Variants in DCT observed in about 807,000 individuals in gnomAD.
DCT encodes dopachrome tautomerase, also known as L-dopachrome tautomerase.
In DCT, 47 loss-of-function variants were observed where a neutral mutation model predicts 53.0. That is an observed-to-expected ratio of 0.89 (90% CI 0.70 to 1.13). The LOEUF (loss-of-function observed/expected upper bound fraction) is 1.13, where lower values mean the gene tolerates loss of function less well. DCT is among the 50% of genes most tolerant of loss of function. The pLI, the probability that DCT is intolerant of heterozygous loss-of-function variation, is 0.00. For missense variants in DCT, 669 were observed against 637.4 expected, an observed-to-expected ratio of 1.05 and a Z score of -0.53; for synonymous variants, 244 against 237.0, an observed-to-expected ratio of 1.03 and a Z score of -0.27.
chr13:94,517,428 C>T, the DCT span, among the ~76,000 whole-genome samples: 1 of 152,164 alleles, frequency 6.6e-6, no homozygotes, highest in African/African-American at 2.4e-5. Flanking sequence ...TCACCTGAAA[C>T]TGTGTCATTT....
the DCT span, among the ~76,000 whole-genome samples, chr13:94,490,640 GCA>G: frequency 7.3e-5 from 11 of 150,272 alleles, no homozygotes; most frequent in Non-Finnish European, 2.9e-5. Context: ...ACGTGTGCAT[GCA>G]CACACACACA....
At chr13:94,549,134 T>A in the DCT span, among the ~76,000 whole-genome samples, 5 of 152,190 alleles carry the variant, frequency 3.3e-5, no homozygotes, top group Admixed American at 2.6e-4. Context: ...TCGGTGCGCC[T>A]CTAGCCAGAA....
At chr13:94,493,238 G>A in the DCT span, among the ~76,000 whole-genome samples, 28,607 of 151,938 alleles carry the variant, frequency 0.19, 2,912 homozygotes, top group South Asian at 0.29. Context: ...CCAGCTTCTC[G>A]AAATTTAGAC....
At chr13:94,488,669 C>T in the DCT span, among the ~76,000 whole-genome samples, 3 of 150,952 alleles carry the variant, frequency 2.0e-5, no homozygotes, top group Non-Finnish European at 2.9e-5. Flanking sequence ...GAGCTGAGAT[C>T]GCATCACTGG....
the DCT span, among the ~76,000 whole-genome samples, chr13:94,548,892 T>C: frequency 6.6e-6 from 1 of 152,186 alleles, no homozygotes; most frequent in Non-Finnish European, 1.5e-5. Flanking sequence ...AAACACCCGC[T>C]GCTAGGCCCC....
chr13:94,437,894 A>G lies in DCT; in HGVS notation c.*2004T>C, dbSNP rs1364108503. The G allele has an allele frequency of 6.6e-6, 1 of 152,182 alleles. No homozygotes were observed. Among genetic ancestry groups the G allele is most frequent in the African/African-American group, 2.4e-5 (1 of 41,466 alleles). 9.4% of individuals were successfully genotyped at this position (152,182 alleles called of 1,614,324 possible). A position where few individuals can be genotyped will look rare whatever the true frequency, so the allele number is the denominator to read the frequency against. On this transcript the variant is annotated 3_prime_UTR_variant, in exon 8 of 8. Coordinates refer to ENST00000377028, the MANE Select transcript of DCT (RefSeq NM_001922.5). ...CCCACACTACAGATAAAAGCAGCTA[A>G]GTATAATCGATTACTATTTTTTCCT...
the DCT span, among the ~76,000 whole-genome samples, chr13:94,511,161 C>G: frequency 6.6e-6 from 1 of 152,110 alleles, no homozygotes; most frequent in Admixed American, 6.5e-5. Context: ...TCTATCAGGC[C>G]TTTCTTGATA....
intron 6 of DCT, among the ~76,000 whole-genome samples, chr13:94,451,501 G>C (rs888563136): frequency 6.6e-6 from 1 of 152,160 alleles, no homozygotes; most frequent in African/African-American, 2.4e-5. Flanking sequence ...TCTCTGCTCA[G>C]CCATTTACTG....
chr13:94,439,703 T>C lies in DCT; in HGVS notation c.*195A>G. On this transcript the variant is annotated 3_prime_UTR_variant, in exon 8 of 8. Transcript: ENST00000377028. The stretch of plus-strand genomic sequence containing the variant: ...AAGGTAGAGGTAGCCTCAAGCACTT[T>C]AGTTGGGTTTGTTAAACAAGCAAGC... 1 of 430,560 alleles carries C rather than the reference T, an allele frequency of 2.3e-6. No homozygotes were observed. The highest frequency in any genetic ancestry group is 4.1e-6 in the Non-Finnish European group (1 of 244,862). 26.7% of individuals were successfully genotyped at this position (430,560 alleles called of 1,614,324 possible).
the DCT span, among the ~76,000 whole-genome samples, chr13:94,512,721 TACAC>T: frequency 6.6e-6 from 1 of 151,360 alleles, no homozygotes; most frequent in African/African-American, 2.4e-5. Flanking sequence ...TATATATATA[TACAC>T]ACACACACAT....
At chr13:94,514,163 A>C in the DCT span, among the ~76,000 whole-genome samples, 6 of 152,280 alleles carry the variant, frequency 3.9e-5, no homozygotes, top group Admixed American at 2.6e-4. Flanking sequence ...TCTAAGACCT[A>C]GCTGCCTACT....
upstream of DCT, among the ~76,000 whole-genome samples, chr13:94,482,353 C>T (rs961902077): frequency 6.6e-6 from 1 of 152,200 alleles, no homozygotes; most frequent in Admixed American, 6.5e-5. Context: ...ATTATTCAAA[C>T]ATGCCCCCAT....
intron 6 of DCT, among the ~76,000 whole-genome samples, chr13:94,456,854 G>T (rs2139313789): frequency 6.6e-6 from 1 of 152,376 alleles, no homozygotes; most frequent in African/African-American, 2.4e-5. Context: ...TTCTGGCTGG[G>T]TGCATTGGCT....
intron 1 of DCT, among the ~76,000 whole-genome samples, chr13:94,469,840 C>T (rs1020582115): frequency 2.0e-5 from 3 of 152,104 alleles, no homozygotes; most frequent in East Asian, 3.9e-4. Flanking sequence ...TTTGGGAGGC[C>T]GAGGCGGGCA....
intron 6 of DCT, among the ~76,000 whole-genome samples, chr13:94,447,467 T>A (rs1882808700): frequency 6.6e-6 from 1 of 152,176 alleles, no homozygotes; most frequent in South Asian, 2.1e-4. Context: ...TTGCTTACCA[T>A]CCACCTGCTG....
Position 94,439,197 on chromosome 13 carries a change from T to C in DCT, c.*701A>G, listed in dbSNP as rs1372962106. ...TGAATCCTGTAATATAGGTCTACTG[T>C]TTAAAACTGCAGATTTTAAGTAAAA... On this transcript the variant is annotated 3_prime_UTR_variant, in exon 8 of 8. Coordinates refer to ENST00000377028, the MANE Select transcript of DCT (RefSeq NM_001922.5). 1 of 152,458 alleles carries C rather than the reference T, an allele frequency of 6.6e-6. No individual in the cohort carries two copies. The highest frequency in any genetic ancestry group is 1.5e-5 in the Non-Finnish European group (1 of 68,248). The allele number at this position is 152,458 out of a possible 1,614,324, so 9.4% of individuals were successfully genotyped here.
chr13:94,465,971 TATA>T (rs1884173103), intron 3 of DCT, among the ~76,000 whole-genome samples, 172 bp from the exon 4 acceptor site: 13 of 2,586 alleles, frequency 5.0e-3, no homozygotes, highest in East Asian at 0.011. Flanking sequence ...GTATATTTTA[TATA>T]TATATATATA....
the DCT span, among the ~76,000 whole-genome samples, chr13:94,485,603 A>G: frequency 2.6e-5 from 4 of 152,328 alleles, no homozygotes; most frequent in African/African-American, 4.8e-5. Context: ...ACCATCATCT[A>G]TAGTATCCTC....
At chr13:94,492,739 A>C in the DCT span, among the ~76,000 whole-genome samples, 3 of 152,254 alleles carry the variant, frequency 2.0e-5, no homozygotes, top group African/African-American at 7.2e-5. Flanking sequence ...AGATGTACAG[A>C]AAAGAAAATG....
Sources: gnomAD v4.1 joint callset for allele counts (sites outside exome capture counted in the v4.1 genomes callset) on GRCh38, gnomAD v4.1.1 for gene constraint, MANE v1.5 for transcripts, NCBI Gene and HGNC (gene_info 2026-07-23, HGNC 2026-07-21) for gene names.